Variants in MERTK observed in about 807,000 individuals in gnomAD.
MERTK encodes tyrosine-protein kinase Mer.
In MERTK, 69 loss-of-function variants were observed where a neutral mutation model predicts 99.3. The ratio of observed to expected loss-of-function variants is 0.70; its 90% CI spans 0.57 to 0.85. The LOEUF is 0.85. MERTK is among the 40% of genes least tolerant of loss of function. The pLI, the probability that MERTK is intolerant of heterozygous loss-of-function variation, is 0.00. For missense variants in MERTK, 1,125 were observed against 1,249.4 expected (o/e 0.90, Z 1.50); for synonymous variants, 426 against 467.6 (o/e 0.91, Z 1.15).
chr2:111,946,333 C>CA (rs1315044724), intron 3 of MERTK, among the ~76,000 whole-genome samples: 1 of 152,114 alleles, frequency 6.6e-6, no homozygotes, highest in Non-Finnish European at 1.5e-5. Context: ...AACAGAGTTT[C>CA]AAAAAAACCT....
At chr2:111,937,626 C>T (rs191904614) in intron 2 of MERTK, among the ~76,000 whole-genome samples, 172 of 152,082 alleles carry the variant, frequency 1.1e-3, no homozygotes, top group African/African-American at 3.9e-3. Flanking sequence ...GGGGCTGATG[C>T]CTGTTGCCGG....
chr2:111,944,688 TCA>T (rs994746220), intron 2 of MERTK, among the ~76,000 whole-genome samples: 3 of 152,060 alleles, frequency 2.0e-5, no homozygotes, highest in Non-Finnish European at 2.9e-5. Context: ...TATAAGGCCT[TCA>T]ACTGTTTGGA....
At chr2:111,948,782 C>G (rs1000164764) in intron 4 of MERTK, among the ~76,000 whole-genome samples, 1 of 152,088 alleles carries the variant, frequency 6.6e-6, no homozygotes, top group Non-Finnish European at 1.5e-5. Context: ...GGCCTTTTTG[C>G]TCCCAGCCTT....
intron 2 of MERTK, among the ~76,000 whole-genome samples, chr2:111,938,348 C>A (rs2104695850): frequency 6.6e-6 from 1 of 152,310 alleles, no homozygotes. Flanking sequence ...CCTTCTGCCT[C>A]AGCCTCCCAC....
intron 1 of MERTK, among the ~76,000 whole-genome samples, chr2:111,910,582 TA>T (rs936285185): frequency 2.8e-5 from 3 of 106,142 alleles, no homozygotes; most frequent in African/African-American, 6.5e-5. Flanking sequence ...CCCTGTAACT[TA>T]AAAAAAAAGT....
intron 6 of MERTK, among the ~76,000 whole-genome samples, chr2:111,974,769 C>CAAAAAAAAAAAAAAAA (rs35594851): frequency 7.5e-5 from 4 of 53,370 alleles, no homozygotes; most frequent in Admixed American, 2.8e-4. Context: ...AGGTCCATCT[C>CAAAAAAAAAAAAAAAA]AAAAAAAAAA....
At chr2:111,957,020 C>T (rs1194239027) in intron 4 of MERTK, among the ~76,000 whole-genome samples, 2 of 151,380 alleles carry the variant, frequency 1.3e-5, no homozygotes, top group Admixed American at 6.6e-5. Context: ...CTCCACCTCC[C>T]GGGTTCACGC....
chr2:112,024,972 A>C (rs1286217555), intron 18 of MERTK: 1 of 154,394 alleles, frequency 6.5e-6, no homozygotes, highest in Admixed American at 6.5e-5. Context: ...AAACAAATCT[A>C]AAGTGTTTCA....
intron 15 of MERTK, among the ~76,000 whole-genome samples, chr2:112,016,598 C>G (rs1416757345): frequency 2.0e-5 from 3 of 152,190 alleles, no homozygotes; most frequent in Non-Finnish European, 2.9e-5. Flanking sequence ...CATAGTGCCA[C>G]TCTGCCCAGG....
At chr2:111,981,846 T>C (rs1213210105) in intron 7 of MERTK, among the ~76,000 whole-genome samples, 1 of 152,176 alleles carries the variant, frequency 6.6e-6, no homozygotes, top group Non-Finnish European at 1.5e-5. Context: ...GGCTGCATTC[T>C]GAGCTCAGCA....
intron 15 of MERTK, 176 bp downstream of exon 15, chr2:112,010,242 G>A (rs1677070707): frequency 1.6e-6 from 1 of 635,718 alleles, no homozygotes; most frequent in Non-Finnish European, 2.9e-6. Context: ...CAGCAGGCCT[G>A]CTCCAGGTAT....
intron 8 of MERTK, among the ~76,000 whole-genome samples, chr2:111,992,763 AAAAG>A (rs1392162988): frequency 5.4e-5 from 8 of 148,294 alleles, no homozygotes; most frequent in African/African-American, 1.8e-4. Flanking sequence ...AAAAAAAAAA[AAAAG>A]AAAGAAAAAA....
At chr2:111,995,970 A>G (rs1676727110) in intron 9 of MERTK, among the ~76,000 whole-genome samples, 2 of 151,978 alleles carry the variant, frequency 1.3e-5, no homozygotes, top group Non-Finnish European at 2.9e-5. Context: ...AAACAAAACA[A>G]GAACAAAGAC....
At chr2:111,975,855 G>A (rs572846697) in intron 7 of MERTK, among the ~76,000 whole-genome samples, 10 of 152,258 alleles carry the variant, frequency 6.6e-5, no homozygotes, top group African/African-American at 2.4e-4. Flanking sequence ...CTGCAGCGGA[G>A]ACCAGCTGAG....
At chr2:111,972,473 G>T (rs534923812) in intron 6 of MERTK, among the ~76,000 whole-genome samples, 97 of 152,264 alleles carry the variant, frequency 6.4e-4, no homozygotes, top group Non-Finnish European at 1.1e-3. Flanking sequence ...GGTCACCCCT[G>T]ATGATGGAAG....
At chr2:111,991,398 G>A (rs1676612469) in intron 8 of MERTK, among the ~76,000 whole-genome samples, 1 of 151,920 alleles carries the variant, frequency 6.6e-6, no homozygotes, top group African/African-American at 2.4e-5. Context: ...GCTAATTTTT[G>A]TACTTTTAGT....
At chr2:112,022,221 A>G in intron 17 of MERTK, 37 bp from the exon 18 acceptor site, 1 of 1,614,160 alleles carries the variant, frequency 6.2e-7, no homozygotes, top group Non-Finnish European at 8.5e-7. Context: ...CTTTGTGGAA[A>G]GGCTTGCATC....
rs144768635 is a variant in MERTK, at chr2:112,001,394, G to T, written c.1690+108G>T. On this transcript the variant is annotated intron_variant, in intron 11 of 18. Transcript: ENST00000295408. ...AAGCCAAAGATGTCGAAGAAGAATG[G>T]ATATTTTTAATGTACAAAATGTCTT... 7.6e-5 allele frequency: 69 copies of T among 905,224 alleles called. No homozygotes were observed. The East Asian group carries it at 1.7e-3, about 22-fold the overall frequency. 56.1% of individuals were successfully genotyped at this position (905,224 alleles called of 1,614,324 possible).
chr2:112,000,214 T>G (rs1676841889), intron 10 of MERTK, among the ~76,000 whole-genome samples: 1 of 152,214 alleles, frequency 6.6e-6, no homozygotes, highest in South Asian at 2.1e-4. Context: ...TCACAGGGGA[T>G]ATGATGGCTT....
Sources: gnomAD v4.1 joint callset for allele counts (sites outside exome capture counted in the v4.1 genomes callset) on GRCh38, gnomAD v4.1.1 for gene constraint, MANE v1.5 for transcripts, NCBI Gene and HGNC (gene_info 2026-07-23, HGNC 2026-07-21) for gene names.